IMMP2L: variants seen among roughly 807,000 people sequenced by gnomAD.
IMMP2L encodes mitochondrial inner membrane protease subunit 2.
In IMMP2L, 18 loss-of-function variants were observed where a neutral mutation model predicts 19.3. The observed-to-expected ratio is 0.93, with a 90% CI of 0.64 to 1.38. The LOEUF (loss-of-function observed/expected upper bound fraction) is 1.38, where lower values mean the gene tolerates loss of function less well. IMMP2L is among the 40% of genes most tolerant of loss of function. The pLI is 0.00. For missense variants in IMMP2L, 233 were observed against 218.2 expected (o/e 1.07, Z -0.43); for synonymous variants, 76 against 73.0 (o/e 1.04, Z -0.21).
chr7:111,068,453 C>T (rs1794692824), intron 3 of IMMP2L, among the ~76,000 whole-genome samples: 1 of 151,748 alleles, frequency 6.6e-6, no homozygotes, highest in South Asian at 2.1e-4. Flanking sequence ...CAATATGCAG[C>T]TTAAACTTGT....
chr7:111,090,835 A>G (rs982870561), intron 3 of IMMP2L, among the ~76,000 whole-genome samples: 1 of 152,172 alleles, frequency 6.6e-6, no homozygotes, highest in African/African-American at 2.4e-5. Context: ...TTGCAGACTG[A>G]AAACATATTT....
At chr7:111,064,929 A>T (rs1013898221) in intron 3 of IMMP2L, among the ~76,000 whole-genome samples, 14 of 152,172 alleles carry the variant, frequency 9.2e-5, no homozygotes, top group Non-Finnish European at 1.6e-4. Flanking sequence ...AGAAACTACA[A>T]CAGGCCAATC....
At chr7:110,876,690 C>A (rs1266196729) in intron 5 of IMMP2L, among the ~76,000 whole-genome samples, 1 of 152,122 alleles carries the variant, frequency 6.6e-6, no homozygotes, top group African/African-American at 2.4e-5. Context: ...TTTATTACTA[C>A]CACCTTTGCC....
chr7:111,029,784 C>T (rs1321660851), intron 3 of IMMP2L, among the ~76,000 whole-genome samples: 2 of 152,176 alleles, frequency 1.3e-5, no homozygotes, highest in African/African-American at 4.8e-5. Context: ...TTCAATCCAG[C>T]AACACATTTC....
At chr7:111,157,361 T>A (rs1804753626) in intron 3 of IMMP2L, among the ~76,000 whole-genome samples, 1 of 152,152 alleles carries the variant, frequency 6.6e-6, no homozygotes, top group Admixed American at 6.6e-5. Flanking sequence ...AAAGAAAATG[T>A]GGTACCTATA....
intron 5 of IMMP2L, among the ~76,000 whole-genome samples, chr7:110,819,948 GTTTTA>G (rs1802877602): frequency 6.6e-6 from 1 of 151,550 alleles, no homozygotes. Flanking sequence ...TGTTCATTTT[GTTTTA>G]TTTAATTTTC....
chr7:110,784,041 GT>G (rs1799910865), intron 5 of IMMP2L, among the ~76,000 whole-genome samples: 1 of 151,866 alleles, frequency 6.6e-6, no homozygotes, highest in African/African-American at 2.4e-5. Context: ...AAGGACCTTA[GT>G]GGGTCATGCA....
chr7:111,521,382 C>T lies in IMMP2L; in HGVS notation c.66G>A (p.Ala22=), dbSNP rs148496605. 3,550 of 1,613,224 alleles carry T rather than the reference C, an allele frequency of 2.2e-3. 10 individuals are homozygous for T. Among genetic ancestry groups the T allele is most frequent in the Non-Finnish European group, 2.4e-3 (2,841 of 1,179,418 alleles). The change falls in exon 2 of 6, where the codon GCG becomes GCA. Residue 22 remains alanine (A), a synonymous_variant. Coordinates refer to ENST00000405709, the MANE Select transcript of IMMP2L (RefSeq NM_032549.4). ...CCAAGAAAGTCACTGCCACAGGCACCGCCACAAAGAAGCCTTTACAAAAGG... is the reference window on the plus strand; with the variant it reads ...CCAAGAAAGTCACTGCCACAGGCACTGCCACAAAGAAGCCTTTACAAAAGG... ...IKAFCKGFFV[A]VPVAVTFLDR...
At chr7:111,528,880 C>G (rs1309004908) in intron 1 of IMMP2L, among the ~76,000 whole-genome samples, 2 of 152,048 alleles carry the variant, frequency 1.3e-5, no homozygotes, top group African/African-American at 4.8e-5. Context: ...AAGAGGAAAC[C>G]ATCAAACTAT....
chr7:110,960,654 G>A lies in IMMP2L; in HGVS notation c.305+2846C>T, dbSNP rs79216830. 9.6e-3 allele frequency among the ~76,000 whole-genome samples: 1,456 copies of A among 151,774 alleles called. 24 individuals carry two copies. Among genetic ancestry groups the A allele is most frequent in the African/African-American group, 0.033 (1,374 of 41,432 alleles). The stretch of plus-strand genomic sequence containing the variant: ...AGTTTCTGCCACAAAGCAAAAGGCT[G>A]GATAGGCTCTTGAAAAAAAAACAGT... On this transcript the variant is annotated intron_variant, in intron 4 of 5. Coordinates refer to ENST00000405709, the MANE Select transcript of IMMP2L (RefSeq NM_032549.4).
chr7:111,140,196 G>T (rs545688932), intron 3 of IMMP2L, among the ~76,000 whole-genome samples: 2 of 152,082 alleles, frequency 1.3e-5, no homozygotes, highest in Admixed American at 6.6e-5. Context: ...ACTCAGGGGG[G>T]ATTTCAGAGG....
At chr7:110,986,873 C>T (rs1417621524) in intron 3 of IMMP2L, among the ~76,000 whole-genome samples, 3 of 150,142 alleles carry the variant, frequency 2.0e-5, no homozygotes, top group Admixed American at 1.3e-4. Context: ...ACACCCCAAA[C>T]ATTGGCTATA....
chr7:111,492,497 G>A, intron 2 of IMMP2L: 4 of 403,932 alleles, frequency 9.9e-6, no homozygotes, highest in Non-Finnish European at 1.3e-5. Flanking sequence ...TTATCTGATG[G>A]GGACTCCTCT....
intron 3 of IMMP2L, among the ~76,000 whole-genome samples, chr7:111,361,963 A>T (rs1829300757): frequency 6.6e-6 from 1 of 152,138 alleles, no homozygotes; most frequent in South Asian, 2.1e-4. Flanking sequence ...AATACACAAC[A>T]TACATTTTCA....
At chr7:110,871,240 T>C (rs1415608954) in intron 5 of IMMP2L, among the ~76,000 whole-genome samples, 1 of 152,122 alleles carries the variant, frequency 6.6e-6, no homozygotes, top group Non-Finnish European at 1.5e-5. Context: ...AAATTCAAGA[T>C]GTTTCTTGAA....
chr7:111,283,287 T>C (rs971643840), intron 3 of IMMP2L, among the ~76,000 whole-genome samples: 4 of 152,064 alleles, frequency 2.6e-5, no homozygotes, highest in African/African-American at 9.7e-5. Context: ...AATGCAAGAA[T>C]GGGAGCTAGC....
intron 3 of IMMP2L, among the ~76,000 whole-genome samples, chr7:111,393,760 T>C (rs1832613681): frequency 6.6e-6 from 1 of 152,136 alleles, no homozygotes; most frequent in Non-Finnish European, 1.5e-5. Context: ...TAGCAGAAAT[T>C]AAAGTTTATC....
intron 5 of IMMP2L, among the ~76,000 whole-genome samples, chr7:110,839,778 AATTG>A (rs778015541): frequency 3.9e-5 from 6 of 152,162 alleles, no homozygotes; most frequent in South Asian, 2.1e-4. Flanking sequence ...TTAAATAATT[AATTG>A]ATTAATAGCT....
chr7:111,334,006 T>C (rs540476721), intron 3 of IMMP2L, among the ~76,000 whole-genome samples: 2 of 152,062 alleles, frequency 1.3e-5, no homozygotes, highest in South Asian at 4.1e-4. Flanking sequence ...AAACCTTTTC[T>C]TAAACAACTC....
Sources: allele counts gnomAD v4.1 joint callset (sites outside exome capture counted in the v4.1 genomes callset), GRCh38; gene constraint gnomAD v4.1.1; transcripts MANE v1.5; gene names NCBI Gene and HGNC (gene_info 2026-07-23, HGNC 2026-07-21).